PARD3: variants seen among roughly 807,000 people sequenced by gnomAD.
PARD3 encodes the protein par-3 family cell polarity regulator, also known as partitioning defective 3 homolog.
Under a neutral mutation model 155.4 loss-of-function variants are expected in PARD3, and 75 were observed. That is an observed-to-expected ratio of 0.48 (90% CI 0.40 to 0.58). The LOEUF (loss-of-function observed/expected upper bound fraction) is 0.58. Ranked by LOEUF, PARD3 falls within the 20% of genes least tolerant of loss-of-function variation. The probability of loss-of-function intolerance (pLI) is 0.00; values close to 1 mark genes in which losing one functional copy is unlikely to be tolerated. For synonymous variants in PARD3, 576 were observed against 610.5 expected (o/e 0.94, Z 0.83); for missense variants, 1,642 against 1,721.7 (o/e 0.95, Z 0.82).
At chr10:34,753,730 C>G (rs912881047) in intron 1 of PARD3, among the ~76,000 whole-genome samples, 16 of 152,156 alleles carry the variant, frequency 1.1e-4, no homozygotes, top group Admixed American at 9.2e-4. Flanking sequence ...GGTTTCAAAT[C>G]TTCTTGTATC....
Position 34,784,380 on chromosome 10 carries a change from T to C in PARD3, c.120+30496A>G, listed in dbSNP as rs192636084. On this transcript the variant is annotated intron_variant, in intron 1 of 24. Coordinates refer to ENST00000374788, the MANE Select transcript of PARD3 (RefSeq NM_001184785.2). ...GATCTTTTACATTCCCCAATGAAGA[T>C]GTGAATACTAACAAGAGTAGGGCAA... is the stretch of plus-strand genomic sequence containing the variant. 3.9e-4 allele frequency among the ~76,000 whole-genome samples: 60 copies of C among 152,056 alleles called. No homozygotes were observed. In the East Asian group the frequency reaches 9.7e-3, roughly 25 times the overall value.
chr10:34,718,465 G>C (rs116557772), intron 1 of PARD3, among the ~76,000 whole-genome samples: 2,275 of 151,952 alleles, frequency 0.015, 62 homozygotes, highest in African/African-American at 0.051. Flanking sequence ...TTCAAGACCA[G>C]CTTGGGCAAC....
intron 21 of PARD3, among the ~76,000 whole-genome samples, chr10:34,283,526 G>T (rs999651929): frequency 6.6e-6 from 1 of 151,978 alleles, no homozygotes; most frequent in Non-Finnish European, 1.5e-5. Flanking sequence ...TCCTTTCATT[G>T]GTCTTTAAGT....
At chr10:34,646,826 G>A (rs752340149) in intron 2 of PARD3, among the ~76,000 whole-genome samples, 23 of 152,128 alleles carry the variant, frequency 1.5e-4, no homozygotes, top group Non-Finnish European at 2.9e-4. Context: ...ACAGGTATAT[G>A]CCACCACCTT....
intron 2 of PARD3, among the ~76,000 whole-genome samples, chr10:34,638,136 T>C (rs2092549158): frequency 6.6e-6 from 1 of 152,258 alleles, no homozygotes; most frequent in African/African-American, 2.4e-5. Flanking sequence ...GGAGGCTGTG[T>C]GATTCTCCAC....
intron 20 of PARD3, among the ~76,000 whole-genome samples, chr10:34,316,838 A>G (rs548418840): frequency 6.6e-6 from 1 of 152,338 alleles, no homozygotes; most frequent in East Asian, 1.9e-4. Flanking sequence ...AAGATTATAC[A>G]AGAATTTTGG....
Position 34,359,262 on chromosome 10 carries a change from A to G in PARD3, c.1952T>C (p.Leu651Ser). 3 of 1,613,968 alleles carry G rather than the reference A, an allele frequency of 1.9e-6. No homozygotes were observed. Among genetic ancestry groups the G allele is most frequent in the Non-Finnish European group, 2.5e-6 (3 of 1,179,868 alleles). The part of the protein sequence containing the change: ...QLIAVNGESL[L>S]GKTNQDAMET... ...CATGGCATCTTGGTTTGTCTTGCCC[A>G]ACAGGGATTCTCCATTTACTGCTAT... Residue 651 changes from leucine (L) to serine (S), a missense_variant, in exon 14 of 25, where the codon TTG becomes TCG. By Grantham distance (145) the Leu-to-Ser change is moderately radical. Coordinates refer to ENST00000374788, the MANE Select transcript of PARD3 (RefSeq NM_001184785.2).
At chr10:34,519,516 T>C (rs965362816) in intron 2 of PARD3, among the ~76,000 whole-genome samples, 16 of 152,298 alleles carry the variant, frequency 1.1e-4, no homozygotes, top group Middle Eastern at 3.4e-3. Flanking sequence ...ATACTTCTTA[T>C]AAATCCCAAA....
At chr10:34,699,689 G>T (rs576173386) in intron 1 of PARD3, among the ~76,000 whole-genome samples, 1 of 152,256 alleles carries the variant, frequency 6.6e-6, no homozygotes, top group African/African-American at 2.4e-5. Context: ...ATAAGGTCCG[G>T]CATGATGGCT....
chr10:34,607,426 A>G lies in PARD3; in HGVS notation c.222+88892T>C, dbSNP rs1460402120. ...TAGGAATTCTTAATGCATAACAGCT[A>G]GAAGAGCCACTGAATAATTAAGTAA... On this transcript the variant is annotated intron_variant, in intron 2 of 24. Coordinates refer to ENST00000374788, the MANE Select transcript of PARD3 (RefSeq NM_001184785.2). Among the ~76,000 whole-genome samples the G allele has an allele frequency of 2.0e-5, 3 of 152,260 alleles. No homozygotes were observed. The East Asian group carries it at 5.8e-4, about 29-fold the overall frequency.
At chr10:34,575,758 T>C (rs895906636) in intron 2 of PARD3, among the ~76,000 whole-genome samples, 7 of 151,966 alleles carry the variant, frequency 4.6e-5, no homozygotes, top group African/African-American at 1.7e-4. Flanking sequence ...TAGCTGGACA[T>C]GGTGGCGGGT....
In PARD3 at chr10:34,313,480, C is replaced by T. The variant is rs74131692; in HGVS notation, c.3065+3627G>A. On this transcript the variant is annotated intron_variant, in intron 20 of 24. Transcript: ENST00000374788. ...TAAGGCGGCTTTTGTAGTTCATATA[C>T]TCCATAATTTATAAACAGAAGAGTG... 4.5e-3 allele frequency among the ~76,000 whole-genome samples: 688 copies of T among 152,258 alleles called. 4 individuals are homozygous for T. Among genetic ancestry groups the T allele is most frequent in the African/African-American group, 0.016 (653 of 41,528 alleles).
intron 22 of PARD3, among the ~76,000 whole-genome samples, chr10:34,224,055 G>T (rs1243944223): frequency 6.6e-6 from 1 of 152,208 alleles, no homozygotes; most frequent in Non-Finnish European, 1.5e-5. Context: ...CTTACAGTTT[G>T]ATATGGTTCA....
In PARD3 at chr10:34,378,048, A is replaced by G; in HGVS notation, c.1458T>C (p.Ala486=). Residue 486 remains alanine, a synonymous_variant, in exon 10 of 25, where the codon GCT becomes GCC. Transcript: ENST00000374788. ...TSRDVTIGGS[A]PIYVKNILPR... ...GGAGAATGTTTTTCACATAGATTGG[A>G]GCTGAGCCACCTATTGTTACATCTC... The G allele has an allele frequency of 6.3e-7, 1 of 1,597,342 alleles. No homozygotes were observed. The highest frequency in any genetic ancestry group is 8.5e-7 in the Non-Finnish European group (1 of 1,173,200).
intron 1 of PARD3, among the ~76,000 whole-genome samples, chr10:34,743,377 C>A (rs1202318365): frequency 2.0e-5 from 3 of 152,330 alleles, no homozygotes; most frequent in East Asian, 1.9e-4. Flanking sequence ...GGTGGTGGTA[C>A]ACCTTCAGAT....
intron 1 of PARD3, among the ~76,000 whole-genome samples, chr10:34,785,617 G>C (rs1019852774): frequency 1.3e-5 from 2 of 152,076 alleles, no homozygotes; most frequent in African/African-American, 4.8e-5. Context: ...CATGCCTGTA[G>C]TCCCAGCTAT....
intron 3 of PARD3, among the ~76,000 whole-genome samples, chr10:34,512,253 A>G (rs1293680762): frequency 6.6e-6 from 1 of 152,228 alleles, no homozygotes; most frequent in African/African-American, 2.4e-5. Flanking sequence ...AGAATAGATG[A>G]CTTATTCCTG....
At chr10:34,169,675 A>G (rs1949697142) in intron 22 of PARD3, among the ~76,000 whole-genome samples, 2 of 152,238 alleles carry the variant, frequency 1.3e-5, no homozygotes, top group Non-Finnish European at 2.9e-5. Flanking sequence ...TGAAGATGTC[A>G]TCTGTGAAAG....
chr10:34,382,241 C>A (rs1290246072), intron 9 of PARD3, among the ~76,000 whole-genome samples: 2 of 152,168 alleles, frequency 1.3e-5, no homozygotes, highest in Non-Finnish European at 2.9e-5. Flanking sequence ...CTTTCACAAT[C>A]AAAAATTTTA....
Sources: allele counts gnomAD v4.1 joint callset (sites outside exome capture counted in the v4.1 genomes callset), GRCh38; gene constraint gnomAD v4.1.1; transcripts MANE v1.5; gene names NCBI Gene and HGNC (gene_info 2026-07-23, HGNC 2026-07-21).